The following NRG3 variants were observed in gnomAD, a reference collection of about 807,000 sequenced individuals.
NRG3 encodes neuregulin 3.
NRG3 carries 31 observed loss-of-function variants against 66.9 expected under a neutral mutation model. The observed-to-expected ratio is 0.46, with a 90% confidence interval of 0.35 to 0.63. NRG3 has a LOEUF of 0.63. Ranked by LOEUF, NRG3 falls within the 20% of genes least tolerant of loss-of-function variation. The pLI is 0.00. For synonymous variants in NRG3, 393 were observed against 359.4 expected, an observed-to-expected ratio of 1.09 and a Z score of -1.06; for missense variants, 910 against 878.9, an observed-to-expected ratio of 1.04 and a Z score of -0.45.
intron 1 of NRG3, among the ~76,000 whole-genome samples, chr10:82,319,713 T>C (rs4379775): frequency 0.15 from 23,424 of 152,108 alleles, 1,965 homozygotes; most frequent in East Asian, 0.28. Context: ...CTCCTTAGCC[T>C]GCAGCCCACC....
intron 4 of NRG3, among the ~76,000 whole-genome samples, chr10:82,879,005 C>T (rs1842066730): frequency 6.6e-6 from 1 of 152,198 alleles, no homozygotes; most frequent in Non-Finnish European, 1.5e-5. Flanking sequence ...GATTCCTTCT[C>T]ATAATAAATA....
chr10:82,669,667 G>A (rs1443565857), intron 2 of NRG3, among the ~76,000 whole-genome samples: 1 of 152,116 alleles, frequency 6.6e-6, no homozygotes, highest in Admixed American at 6.5e-5. Context: ...GGTGGCTCTC[G>A]CCTGTAATCC....
At chr10:82,163,352 A>T (rs2071755899) in intron 1 of NRG3, among the ~76,000 whole-genome samples, 1 of 152,154 alleles carries the variant, frequency 6.6e-6, no homozygotes, top group Non-Finnish European at 1.5e-5. Flanking sequence ...GCATATATGA[A>T]CTTTTCATTC....
chr10:82,568,868 A>G (rs368332278), intron 2 of NRG3, among the ~76,000 whole-genome samples: 2 of 151,708 alleles, frequency 1.3e-5, no homozygotes, highest in African/African-American at 4.8e-5. Flanking sequence ...GGTCTGTCCA[A>G]GCAGAATTAT....
chr10:82,453,161 A>T (rs187305319), intron 2 of NRG3, among the ~76,000 whole-genome samples: 1 of 152,276 alleles, frequency 6.6e-6, no homozygotes, highest in Admixed American at 6.5e-5. Context: ...ATATGGGATT[A>T]TATACACAAA....
At chr10:82,448,695 A>G (rs1331508901) in intron 2 of NRG3, among the ~76,000 whole-genome samples, 3 of 152,136 alleles carry the variant, frequency 2.0e-5, no homozygotes, top group African/African-American at 7.2e-5. Context: ...GGATCTTGTT[A>G]TTGATAATGA....
intron 1 of NRG3, among the ~76,000 whole-genome samples, chr10:82,001,673 T>C (rs1230599137): frequency 1.3e-5 from 2 of 152,220 alleles, no homozygotes; most frequent in African/African-American, 4.8e-5. Flanking sequence ...TAGTCTTGTT[T>C]TTTAAACTTG....
At chr10:82,750,154 T>C (rs2058805302) in intron 3 of NRG3, among the ~76,000 whole-genome samples, 2 of 152,170 alleles carry the variant, frequency 1.3e-5, no homozygotes, top group African/African-American at 4.8e-5. Context: ...CCTATTTCTT[T>C]TGATGGTGTT....
chr10:81,931,695 A>C (rs567787772), intron 1 of NRG3, among the ~76,000 whole-genome samples: 3 of 152,160 alleles, frequency 2.0e-5, no homozygotes, highest in African/African-American at 7.2e-5. Flanking sequence ...AACTAAACAA[A>C]ACACAATCAG....
At chr10:82,501,216 C>T (rs891091529) in intron 2 of NRG3, among the ~76,000 whole-genome samples, 1 of 152,046 alleles carries the variant, frequency 6.6e-6, no homozygotes, top group Non-Finnish European at 1.5e-5. Flanking sequence ...AATCTAAGCA[C>T]GGCCAAGTAA....
At chr10:82,182,594 A>G (rs893419651) in intron 1 of NRG3, among the ~76,000 whole-genome samples, 2 of 151,894 alleles carry the variant, frequency 1.3e-5, no homozygotes, top group African/African-American at 4.8e-5. Context: ...ATCAAATAGT[A>G]TATTTTTATA....
intron 3 of NRG3, among the ~76,000 whole-genome samples, chr10:82,774,025 C>T (rs1212310764): frequency 2.0e-5 from 3 of 152,134 alleles, no homozygotes; most frequent in Non-Finnish European, 1.5e-5. Flanking sequence ...ATATATTAAA[C>T]TGGCTTTGCA....
intron 1 of NRG3, among the ~76,000 whole-genome samples, chr10:81,920,910 G>A (rs1003985563): frequency 6.6e-6 from 1 of 151,906 alleles, no homozygotes; most frequent in Non-Finnish European, 1.5e-5. Flanking sequence ...TTCTTCTAAT[G>A]TTTTTCTCAT....
chr10:82,967,998 G>C (rs1188322278), intron 6 of NRG3, among the ~76,000 whole-genome samples: 1 of 152,188 alleles, frequency 6.6e-6, no homozygotes. Flanking sequence ...CAGAAAAGCT[G>C]ATCTTAGCCA....
chr10:82,956,264 C>T (rs1031607003), intron 5 of NRG3, among the ~76,000 whole-genome samples: 3 of 152,002 alleles, frequency 2.0e-5, no homozygotes, highest in African/African-American at 4.8e-5. Flanking sequence ...TCCACACTGA[C>T]ACTGTTGGGC....
chr10:82,582,076 A>T (rs1461326666), intron 2 of NRG3, among the ~76,000 whole-genome samples: 3 of 152,004 alleles, frequency 2.0e-5, no homozygotes, highest in African/African-American at 4.8e-5. Context: ...CCATTTCCTT[A>T]TTGCTAGGAA....
intron 5 of NRG3, 77 bp downstream of exon 5, chr10:82,951,648 T>C (rs915294363): frequency 8.0e-7 from 1 of 1,249,908 alleles, no homozygotes; most frequent in Non-Finnish European, 1.2e-6. Context: ...TCTCAGTCTG[T>C]GTGCCACACA....
intron 2 of NRG3, among the ~76,000 whole-genome samples, chr10:82,555,811 A>G (rs1190948978): frequency 3.3e-5 from 5 of 152,242 alleles, no homozygotes; most frequent in Non-Finnish European, 7.3e-5. Context: ...AACGTAGTTT[A>G]GAATTTCTCA....
In NRG3 at chr10:82,439,480, C is replaced by T. The variant is rs572107798; in HGVS notation, c.953+80612C>T. ...AAATTGCCCCCATATGTATAACTTA[C>T]ATGTTTTATTAAATTACCTTAGGAT... is the stretch of plus-strand genomic sequence containing the variant. On this transcript the variant is annotated intron_variant, in intron 2 of 8. Coordinates refer to ENST00000372141, the MANE Select transcript of NRG3 (RefSeq NM_001010848.4). Among the ~76,000 whole-genome samples, 474 of 152,036 alleles carry T rather than the reference C, an allele frequency of 3.1e-3. 4 individuals carry two copies. The highest frequency in any genetic ancestry group is 0.011 in the African/African-American group (453 of 41,520).
Sources: allele counts gnomAD v4.1 joint callset (sites outside exome capture counted in the v4.1 genomes callset), GRCh38; gene constraint gnomAD v4.1.1; transcripts MANE v1.5; gene names NCBI Gene and HGNC (gene_info 2026-07-23, HGNC 2026-07-21).